The following EPSTI1 variants were observed in gnomAD, a reference collection of about 807,000 sequenced individuals.
EPSTI1 encodes epithelial stromal interaction 1, also known as epithelial-stromal interaction protein 1.
A neutral mutation model predicts 49.9 loss-of-function variants in EPSTI1; 66 were observed. The observed-to-expected ratio is 1.32, with a 90% CI of 1.08 to 1.62. The LOEUF (loss-of-function observed/expected upper bound fraction) is 1.62, where lower values mean the gene tolerates loss of function less well. Ranked by LOEUF, EPSTI1 falls within the 40% of genes most tolerant of loss-of-function variation. EPSTI1 has a pLI of 0.00. For synonymous variants in EPSTI1, 137 were observed against 130.7 expected (o/e 1.05, Z -0.33); for missense variants, 394 against 365.5 (o/e 1.08, Z -0.64).
At chr13:42,965,207 AGAG>A (rs1439149285) in intron 3 of EPSTI1, among the ~76,000 whole-genome samples, 5 of 152,200 alleles carry the variant, frequency 3.3e-5, no homozygotes, top group African/African-American at 9.6e-5. Flanking sequence ...GTAGAGAAAT[AGAG>A]GAGGAGTTGA....
rs183335272 is a variant in EPSTI1, at chr13:42,975,713, G to A, written c.189-5043C>T. 1.2e-4 allele frequency among the ~76,000 whole-genome samples: 18 copies of A among 152,248 alleles called. 1 individual carries two copies. Among genetic ancestry groups the A allele is most frequent in the Admixed American group, 5.9e-4 (9 of 15,282 alleles). ...CTCAGCCACAAATCACACCTTAGCT[G>A]GGCAAGTGTGTGTAGTCACCAATCT... On this transcript the variant is annotated intron_variant, in intron 1 of 10. Coordinates refer to ENST00000313624, the MANE Select transcript of EPSTI1 (RefSeq NM_033255.5).
rs145047600 is a variant in EPSTI1 at position 42,951,703 on chromosome 13, C to G, written c.563+2245G>C. Among the ~76,000 whole-genome samples, 846 of 152,354 alleles carry G rather than the reference C, an allele frequency of 5.6e-3. 12 individuals carry two copies. The highest frequency in any genetic ancestry group is 0.019 in the African/African-American group (793 of 41,586). On this transcript the variant is annotated intron_variant, in intron 6 of 10. Coordinates refer to ENST00000313624, the MANE Select transcript of EPSTI1 (RefSeq NM_033255.5). ...CTTTTAAAACTTCAAGAATCTCTTACCCTTTACTTTGCCATATTTAGAACT... is the reference window on the plus strand; with the variant it reads ...CTTTTAAAACTTCAAGAATCTCTTAGCCTTTACTTTGCCATATTTAGAACT...
At chr13:42,951,067 G>A (rs1310074640) in intron 6 of EPSTI1, among the ~76,000 whole-genome samples, 1 of 152,122 alleles carries the variant, frequency 6.6e-6, no homozygotes, top group African/African-American at 2.4e-5. Flanking sequence ...TGAGGCTGGA[G>A]AATCGCTTGA....
At chr13:42,919,821 A>G (rs971486648) in intron 7 of EPSTI1, among the ~76,000 whole-genome samples, 13 of 152,228 alleles carry the variant, frequency 8.5e-5, no homozygotes, top group African/African-American at 3.1e-4. Context: ...ATAGCAGTGC[A>G]TGAGTTTGCT....
intron 1 of EPSTI1, 94 bp from the exon 2 acceptor site, chr13:42,970,764 A>T: frequency 1.1e-6 from 1 of 927,278 alleles, no homozygotes; most frequent in Non-Finnish European, 1.6e-6. Context: ...TACTGTATTT[A>T]TGATCATTAC....
At position 42,983,584 on chromosome 13, in the gene EPSTI1, AAAAAAC is replaced by A. The variant is rs1238684145; in HGVS notation, c.188+8388_188+8393del. ...ATCTCAAAAAAAAAAAAAAAAAAAA[AAAAAAC>A]AATGATAAGACCTTAGCTAGCTGTA... On this transcript the variant is annotated intron_variant, in intron 1 of 10. Transcript: ENST00000313624. Among the ~76,000 whole-genome samples the A allele has an allele frequency of 3.8e-4, 58 of 151,018 alleles. 2 individuals are homozygous for A. The South Asian group carries it at 7.3e-3, about 19-fold the overall frequency.
At chr13:42,933,854 C>T (rs2038465403) in intron 6 of EPSTI1, 1 of 152,838 alleles carries the variant, frequency 6.5e-6, no homozygotes, top group African/African-American at 2.4e-5. Flanking sequence ...GAATACCCCC[C>T]TGCATGGACT....
intron 6 of EPSTI1, among the ~76,000 whole-genome samples, chr13:42,930,049 C>A (rs572242906): frequency 1.3e-5 from 2 of 152,136 alleles, no homozygotes; most frequent in Non-Finnish European, 2.9e-5. Flanking sequence ...CTTAAAAGCA[C>A]CCCTGGTGAT....
At chr13:42,889,839 C>G (rs2036976035) in intron 10 of EPSTI1, among the ~76,000 whole-genome samples, 2 of 152,044 alleles carry the variant, frequency 1.3e-5, no homozygotes, top group African/African-American at 4.8e-5. Context: ...CTTACAAAAT[C>G]CTTTCTCAGC....
intron 8 of EPSTI1, among the ~76,000 whole-genome samples, chr13:42,903,485 A>C (rs2037418574): frequency 6.6e-6 from 1 of 152,228 alleles, no homozygotes; most frequent in Non-Finnish European, 1.5e-5. Context: ...TGATCTGTGC[A>C]GCAAACCACC....
chr13:42,893,019 G>A (rs529303809), intron 10 of EPSTI1, among the ~76,000 whole-genome samples: 7 of 152,282 alleles, frequency 4.6e-5, no homozygotes, highest in South Asian at 2.1e-4. Context: ...AGAAATAATC[G>A]TTGGATTTTG....
In EPSTI1 at chr13:42,887,746, C is replaced by T. The variant is rs531075034; in HGVS notation, c.*748G>A. 2 of 152,452 alleles carry T rather than the reference C, an allele frequency of 1.3e-5. No homozygotes were observed. The highest frequency in any genetic ancestry group is 4.8e-5 in the African/African-American group (2 of 41,570). The allele number at this position is 152,452 out of a possible 1,614,324, so 9.4% of individuals were successfully genotyped here. On this transcript the variant is annotated 3_prime_UTR_variant, in exon 11 of 11. Transcript: ENST00000313624. Reference sequence around the variant, plus strand: ...AAGTTTCTGAAACATGTACAAACTACATATGATGTCTATATTTGTGTCTAG... The same window carrying T: ...AAGTTTCTGAAACATGTACAAACTATATATGATGTCTATATTTGTGTCTAG...
At chr13:42,900,467 C>A (rs749436392) in intron 8 of EPSTI1, 84 bp from the exon 9 acceptor site, 201 of 1,279,412 alleles carry the variant, frequency 1.6e-4, no homozygotes, top group Non-Finnish European at 2.1e-4. Flanking sequence ...ATATTTAAAC[C>A]TCAACTGGTA....
intron 10 of EPSTI1, among the ~76,000 whole-genome samples, chr13:42,890,296 C>CTTTTCTT (rs1470146396): frequency 0.028 from 3,256 of 116,408 alleles, 55 homozygotes; most frequent in Non-Finnish European, 0.042. Context: ...TTTTTCTTTT[C>CTTTTCTT]TTTTTTTTTT....
At chr13:42,963,731 T>C (rs1234785531) in intron 4 of EPSTI1, 1 of 309,396 alleles carries the variant, frequency 3.2e-6, no homozygotes, top group Non-Finnish European at 5.8e-6. Context: ...ACTACTTCCA[T>C]GACTGCCATG....
At chr13:42,919,322 A>T in intron 7 of EPSTI1, 1 of 1,613,708 alleles carries the variant, frequency 6.2e-7, no homozygotes, top group Non-Finnish European at 8.5e-7. Flanking sequence ...CCTAGGCAGG[A>T]TAGGAAGTTT....
chr13:42,907,123 T>C (rs2037520296), intron 8 of EPSTI1, among the ~76,000 whole-genome samples: 1 of 152,214 alleles, frequency 6.6e-6, no homozygotes, highest in Admixed American at 6.5e-5. Flanking sequence ...TTGCTGTTGC[T>C]AGTTCTATCA....
chr13:42,918,216 G>C (rs1327663951), intron 7 of EPSTI1, among the ~76,000 whole-genome samples: 1 of 152,222 alleles, frequency 6.6e-6, no homozygotes, highest in Non-Finnish European at 1.5e-5. Flanking sequence ...CCTTTGGCAA[G>C]CCAGCACATG....
intron 1 of EPSTI1, among the ~76,000 whole-genome samples, chr13:42,981,778 T>A (rs922028605): frequency 6.6e-6 from 1 of 152,244 alleles, no homozygotes; most frequent in Non-Finnish European, 1.5e-5. Context: ...GTGGATTTAT[T>A]TTTAATGAAC....
Sources: allele counts gnomAD v4.1 joint callset (sites outside exome capture counted in the v4.1 genomes callset), GRCh38; gene constraint gnomAD v4.1.1; transcripts MANE v1.5; gene names NCBI Gene and HGNC (gene_info 2026-07-23, HGNC 2026-07-21).